The following TANC2 variants were observed in gnomAD, a reference collection of about 807,000 sequenced individuals.
TANC2 encodes protein TANC2.
In TANC2, 26 loss-of-function variants were observed where a neutral mutation model predicts 210.5. The observed-to-expected ratio is 0.12, with a 90% CI of 0.09 to 0.17. TANC2 has a LOEUF of 0.17. Among genes scored for constraint, TANC2 ranks in the 10% least tolerant of loss-of-function variants. TANC2 has a pLI of 1.00. For synonymous variants in TANC2, 931 were observed against 967.1 expected (o/e 0.96, Z 0.69); for missense variants, 2,129 against 2,608.9 (o/e 0.82, Z 4.01).
At chr17:63,100,239 A>G (rs1446971523) in intron 4 of TANC2, among the ~76,000 whole-genome samples, 3 of 152,162 alleles carry the variant, frequency 2.0e-5, no homozygotes, top group Admixed American at 1.3e-4. Flanking sequence ...AAAATGAGAA[A>G]TGAAATTTTT....
At chr17:63,321,023 G>A (rs118044251) in intron 11 of TANC2, among the ~76,000 whole-genome samples, 9,555 of 152,020 alleles carry the variant, frequency 0.063, 426 homozygotes, top group Non-Finnish European at 0.091. Flanking sequence ...ACATGGCAAA[G>A]CCCCATCTCC....
chr17:63,190,924 T>C (rs1369285917), intron 5 of TANC2, among the ~76,000 whole-genome samples: 1 of 152,188 alleles, frequency 6.6e-6, no homozygotes, highest in Non-Finnish European at 1.5e-5. Flanking sequence ...TTCTCTCTCT[T>C]AAGCTACCAC....
chr17:63,358,374 A>AGTGTGT (rs1292661752), intron 14 of TANC2, among the ~76,000 whole-genome samples: 4 of 94,772 alleles, frequency 4.2e-5, no homozygotes, highest in African/African-American at 1.2e-4. Flanking sequence ...AGAGAGAGAG[A>AGTGTGT]GAGTATGTGT....
At chr17:63,112,107 A>G (rs2038073266) in intron 4 of TANC2, among the ~76,000 whole-genome samples, 1 of 152,116 alleles carries the variant, frequency 6.6e-6, no homozygotes, top group Admixed American at 6.5e-5. Context: ...TCTTTTCTCT[A>G]CATTTTTAAA....
intron 4 of TANC2, among the ~76,000 whole-genome samples, chr17:63,126,310 T>C (rs1043209048): frequency 6.6e-6 from 1 of 152,234 alleles, no homozygotes; most frequent in South Asian, 2.1e-4. Context: ...ATAATATTCT[T>C]AGCTTGAATG....
chr17:63,018,872 C>T (rs1229645700), intron 2 of TANC2, among the ~76,000 whole-genome samples: 2 of 152,116 alleles, frequency 1.3e-5, no homozygotes, highest in African/African-American at 2.4e-5. Context: ...TCCAGGTTGT[C>T]GTGTATCAAT....
intron 2 of TANC2, among the ~76,000 whole-genome samples, chr17:63,027,561 G>A (rs914768303): frequency 6.6e-6 from 1 of 151,904 alleles, no homozygotes; most frequent in Non-Finnish European, 1.5e-5. Context: ...TAACAGATTT[G>A]TGCTTTTGCA....
intron 21 of TANC2, among the ~76,000 whole-genome samples, chr17:63,409,463 G>C (rs1308486064): frequency 1.3e-5 from 2 of 152,158 alleles, no homozygotes; most frequent in Non-Finnish European, 2.9e-5. Flanking sequence ...TGGGATTATA[G>C]GTGTGAGTTA....
intron 2 of TANC2, among the ~76,000 whole-genome samples, chr17:63,062,537 A>T (rs964938111): frequency 6.6e-6 from 1 of 152,120 alleles, no homozygotes; most frequent in Non-Finnish European, 1.5e-5. Context: ...TAGAGTGGGC[A>T]AACACCTTTC....
At chr17:63,018,348 G>C (rs559872457) in intron 2 of TANC2, among the ~76,000 whole-genome samples, 1 of 151,850 alleles carries the variant, frequency 6.6e-6, no homozygotes, top group Admixed American at 6.6e-5. Context: ...AAATTAGCTG[G>C]CACACGCCTG....
chr17:63,122,089 CAA>C (rs377197468), intron 4 of TANC2, among the ~76,000 whole-genome samples: 1 of 151,868 alleles, frequency 6.6e-6, no homozygotes, highest in African/African-American at 2.4e-5. Context: ...TTACTCAGTT[CAA>C]AAAAGTGAAT....
intron 5 of TANC2, among the ~76,000 whole-genome samples, chr17:63,186,662 C>T (rs1358625722): frequency 6.6e-6 from 1 of 152,016 alleles, no homozygotes; most frequent in Non-Finnish European, 1.5e-5. Context: ...GGGCTTTCTT[C>T]GAGTCTTCTA....
At chr17:62,998,413 G>A (rs2033216603) in intron 1 of TANC2, among the ~76,000 whole-genome samples, 1 of 152,110 alleles carries the variant, frequency 6.6e-6, no homozygotes, top group Non-Finnish European at 1.5e-5. Context: ...AGGAAATGCA[G>A]AAAATCCATG....
chr17:63,208,210 A>G (rs1206062857), intron 7 of TANC2, among the ~76,000 whole-genome samples: 2 of 152,200 alleles, frequency 1.3e-5, no homozygotes, highest in Non-Finnish European at 2.9e-5. Flanking sequence ...AGTCCTTAAA[A>G]TCACCTAGAA....
chr17:62,988,304 T>G (rs1454043502), intron 1 of TANC2, among the ~76,000 whole-genome samples: 2 of 150,230 alleles, frequency 1.3e-5, no homozygotes, highest in Non-Finnish European at 1.5e-5. Context: ...ACTTTTTTTT[T>G]TTTTTTTTTT....
At position 63,397,470 on chromosome 17, in the gene TANC2, T is replaced by G. The variant is rs137867549; in HGVS notation, c.3238-1351T>G. 4.1e-3 allele frequency among the ~76,000 whole-genome samples: 619 copies of G among 152,358 alleles called. 5 individuals carry two copies. Among genetic ancestry groups the G allele is most frequent in the African/African-American group, 0.014 (600 of 41,588 alleles). Reference sequence around the variant, plus strand: ...TCTTTTCTCAATAACTGTATTGCCGTTAAATCTGATATGTGATCTACTGTT... The same window carrying G: ...TCTTTTCTCAATAACTGTATTGCCGGTAAATCTGATATGTGATCTACTGTT... On this transcript the variant is annotated intron_variant, in intron 18 of 27. Coordinates refer to ENST00000689528, the Ensembl canonical transcript of TANC2.
chr17:63,180,522 T>C (rs1049996109), intron 5 of TANC2, among the ~76,000 whole-genome samples: 1 of 152,186 alleles, frequency 6.6e-6, no homozygotes, highest in Non-Finnish European at 1.5e-5. Flanking sequence ...TAGGCAGATT[T>C]ATATGTTTGT....
At chr17:63,413,465 G>A (rs1485554923) in intron 24 of TANC2, 78 bp from the exon 25 acceptor site, 17 of 1,123,682 alleles carry the variant, frequency 1.5e-5, no homozygotes, top group Non-Finnish European at 2.0e-5. Flanking sequence ...ATTCCCCTAG[G>A]GTATTTTTTT....
intron 2 of TANC2, among the ~76,000 whole-genome samples, chr17:63,055,379 G>T (rs2035732020): frequency 1.4e-5 from 2 of 146,156 alleles, no homozygotes. Flanking sequence ...ATAAATAATT[G>T]CTGGATTTAA....
Sources: allele counts gnomAD v4.1 joint callset (sites outside exome capture counted in the v4.1 genomes callset), GRCh38; gene constraint gnomAD v4.1.1; transcripts MANE v1.5; gene names NCBI Gene and HGNC (gene_info 2026-07-23, HGNC 2026-07-21).